CYRIA: variants seen among roughly 807,000 people sequenced by gnomAD.
The protein encoded by CYRIA is CYFIP-related Rac1 interactor A.
A neutral mutation model predicts 43.9 loss-of-function variants in CYRIA; 15 were observed. The observed-to-expected ratio is 0.34, with a 90% CI of 0.23 to 0.53. The LOEUF is 0.53. Among genes scored for constraint, CYRIA ranks in the 20% least tolerant of loss-of-function variants. The probability of loss-of-function intolerance (pLI) is 0.94; values close to 1 mark genes in which losing one functional copy is unlikely to be tolerated. For synonymous variants in CYRIA, 117 were observed against 136.0 expected (o/e 0.86, Z 0.97); for missense variants, 236 against 394.2 (o/e 0.60, Z 3.40).
chr2:16,661,843 T>C (rs1258810353), intron 1 of CYRIA, among the ~76,000 whole-genome samples: 3 of 152,204 alleles, frequency 2.0e-5, no homozygotes, highest in African/African-American at 7.2e-5. Context: ...GGCAAGGGAC[T>C]TTACCTTTCC....
intron 2 of CYRIA, among the ~76,000 whole-genome samples, chr2:16,608,291 T>C (rs1234671753): frequency 6.6e-6 from 1 of 152,252 alleles, no homozygotes; most frequent in East Asian, 1.9e-4. Context: ...TAAACACTTT[T>C]GGGTGATTAG....
At chr2:16,579,419 GCACACA>G (rs35850813) in intron 3 of CYRIA, among the ~76,000 whole-genome samples, 39 of 147,330 alleles carry the variant, frequency 2.6e-4, no homozygotes, top group Non-Finnish European at 3.6e-4. Context: ...ACATGCACAT[GCACACA>G]CACACACACA....
intron 2 of CYRIA, among the ~76,000 whole-genome samples, chr2:16,619,840 T>C (rs1402693987): frequency 2.0e-5 from 3 of 152,168 alleles, no homozygotes; most frequent in African/African-American, 7.2e-5. Flanking sequence ...TGTTGGCCCT[T>C]ATTTATAGAG....
At chr2:16,620,133 G>A (rs1159178550) in intron 2 of CYRIA, among the ~76,000 whole-genome samples, 3 of 152,130 alleles carry the variant, frequency 2.0e-5, no homozygotes, top group Non-Finnish European at 4.4e-5. Context: ...TGTGACCATT[G>A]GTAGATACTC....
At chr2:16,612,632 G>T (rs1376555425) in intron 2 of CYRIA, among the ~76,000 whole-genome samples, 1 of 152,210 alleles carries the variant, frequency 6.6e-6, no homozygotes, top group Non-Finnish European at 1.5e-5. Context: ...CTTTCATGAT[G>T]ACAAGCCTGC....
rs1297460462 is a variant in CYRIA, at chr2:16,552,617, T to A, written c.*319A>T. 4.4e-6 allele frequency: 1 copy of A among 226,600 alleles called. No individual in the cohort carries two copies. The highest frequency in any genetic ancestry group is 8.6e-6 in the Non-Finnish European group (1 of 116,566). The allele number at this position is 226,600 out of a possible 1,614,324, so 14.0% of individuals were successfully genotyped here. The stretch of plus-strand genomic sequence containing the variant: ...CCCAGAGAGATAACACATCTAGAAT[T>A]AAAATACTACCACAAACAATTAGGA... On this transcript the variant is annotated 3_prime_UTR_variant, in exon 12 of 12. Transcript: ENST00000381323.
chr2:16,633,902 T>C (rs1259766154), intron 1 of CYRIA, among the ~76,000 whole-genome samples: 1 of 152,084 alleles, frequency 6.6e-6, no homozygotes, highest in Non-Finnish European at 1.5e-5. Flanking sequence ...CACATTCCAG[T>C]CACACCAAAG....
At chr2:16,622,094 T>C (rs529072680) in intron 2 of CYRIA, among the ~76,000 whole-genome samples, 1 of 152,204 alleles carries the variant, frequency 6.6e-6, no homozygotes, top group African/African-American at 2.4e-5. Flanking sequence ...AATGAGCATG[T>C]GCTTGGACCC....
chr2:16,662,488 T>C (rs530500545), intron 1 of CYRIA, among the ~76,000 whole-genome samples: 1 of 152,316 alleles, frequency 6.6e-6, no homozygotes, highest in East Asian at 1.9e-4. Context: ...GTAGTGGAGT[T>C]TGAACTCATG....
chr2:16,624,083 T>C lies in CYRIA; in HGVS notation c.-166-64A>G, dbSNP rs1336225637. On this transcript the variant is annotated intron_variant, in intron 1 of 11. Coordinates refer to ENST00000381323, the MANE Select transcript of CYRIA (RefSeq NM_030797.4). ...ATTTCCTATTCTCCACTAGTCACAATGTATTTTTTAAGGAGAGCAGAGAGT... is the reference window on the plus strand; with the variant it reads ...ATTTCCTATTCTCCACTAGTCACAACGTATTTTTTAAGGAGAGCAGAGAGT... 3.3e-5 allele frequency: 5 copies of C among 152,370 alleles called. No individual in the cohort carries two copies. In the East Asian group the frequency reaches 9.6e-4, roughly 29 times the overall value. 9.4% of individuals were successfully genotyped at this position (152,370 alleles called of 1,614,324 possible).
At chr2:16,567,232 C>T (rs569834296) in intron 3 of CYRIA, among the ~76,000 whole-genome samples, 35 of 152,102 alleles carry the variant, frequency 2.3e-4, no homozygotes, top group African/African-American at 7.5e-4. Flanking sequence ...GGTGAAACCC[C>T]GTCTCTACTA....
intron 2 of CYRIA, among the ~76,000 whole-genome samples, chr2:16,605,126 T>TA (rs11293051): frequency 1.1e-4 from 16 of 149,270 alleles, no homozygotes; most frequent in African/African-American, 7.3e-5. Context: ...ACGGGAATTC[T>TA]AAAAAAAAAA....
chr2:16,563,846 T>C (rs1478996239), intron 5 of CYRIA, 143 bp downstream of exon 5: 2 of 591,814 alleles, frequency 3.4e-6, no homozygotes, highest in Non-Finnish European at 3.0e-6. Context: ...ATGACAAGAG[T>C]TGTTGCTCAT....
chr2:16,593,968 A>G (rs1340025907), intron 2 of CYRIA, among the ~76,000 whole-genome samples: 1 of 110,484 alleles, frequency 9.1e-6, no homozygotes, highest in Non-Finnish European at 1.8e-5. Context: ...ATGAGTGAGA[A>G]TATGCGGTGT....
At chr2:16,568,227 GAA>G (rs71400699) in intron 3 of CYRIA, among the ~76,000 whole-genome samples, 4,579 of 88,706 alleles carry the variant, frequency 0.052, 85 homozygotes, top group South Asian at 0.072. Context: ...TTCAAAATCA[GAA>G]AAAAAAAAAA....
At chr2:16,559,819 C>T (rs1666666044) in intron 9 of CYRIA, among the ~76,000 whole-genome samples, 1 of 152,180 alleles carries the variant, frequency 6.6e-6, no homozygotes, top group Non-Finnish European at 1.5e-5. Flanking sequence ...AAATTCCCTT[C>T]TCATCTGCCC....
chr2:16,586,576 T>C (rs959406676), intron 3 of CYRIA, among the ~76,000 whole-genome samples: 2 of 151,846 alleles, frequency 1.3e-5, no homozygotes, highest in African/African-American at 4.8e-5. Context: ...AGATTAAATG[T>C]ATTTTCAGAA....
At chr2:16,554,946 G>C in intron 11 of CYRIA, 123 bp downstream of exon 11, 1 of 596,560 alleles carries the variant, frequency 1.7e-6, no homozygotes, top group Non-Finnish European at 2.8e-6. Flanking sequence ...AGATTGTTAG[G>C]AAGATTCAAT....
Position 16,551,881 on chromosome 2 carries a change from T to C in CYRIA, c.*1055A>G, listed in dbSNP as rs933256199. 6.6e-6 allele frequency: 1 copy of C among 152,146 alleles called. No individual in the cohort carries two copies. The highest frequency in any genetic ancestry group is 1.5e-5 in the Non-Finnish European group (1 of 68,016). 9.4% of individuals were successfully genotyped at this position (152,146 alleles called of 1,614,324 possible). On this transcript the variant is annotated 3_prime_UTR_variant, in exon 12 of 12. Transcript: ENST00000381323. ...GTAAATTCAGGTGCACCAGGGCTTT[T>C]ATATTGCAACAAGCTAGCAACGGGG...
Sources: allele counts gnomAD v4.1 joint callset (sites outside exome capture counted in the v4.1 genomes callset), GRCh38; gene constraint gnomAD v4.1.1; transcripts MANE v1.5; gene names NCBI Gene and HGNC (gene_info 2026-07-23, HGNC 2026-07-21).